ARHGEF18: variants seen among roughly 807,000 people sequenced by gnomAD.
The protein encoded by ARHGEF18 is Rho/Rac guanine nucleotide exchange factor 18.
A neutral mutation model predicts 155.7 loss-of-function variants in ARHGEF18; 93 were observed. That is an observed-to-expected ratio of 0.60 (90% CI 0.50 to 0.71). The LOEUF (loss-of-function observed/expected upper bound fraction) is 0.71. Ranked by LOEUF, ARHGEF18 falls within the 30% of genes least tolerant of loss-of-function variation. ARHGEF18 has a pLI of 0.00. For synonymous variants in ARHGEF18, 742 were observed against 753.1 expected (o/e 0.99, Z 0.24); for missense variants, 1,593 against 1,816.1 (o/e 0.88, Z 2.23).
In ARHGEF18 at chr19:7,404,263, T is replaced by G. The variant is rs1972175294; in HGVS notation, c.967+21060T>G. ...AGTTGACCTGACCTTGTGTGTTCAT[T>G]GTTGATCCCTTCCCTGTCCTGGCTC... On this transcript the variant is annotated intron_variant, in intron 10 of 28. Transcript: ENST00000668164. 2.6e-5 allele frequency among the ~76,000 whole-genome samples: 4 copies of G among 152,066 alleles called. No individual in the cohort carries two copies. The South Asian group carries it at 8.3e-4, about 32-fold the overall frequency.
chr19:7,402,652 G>T (rs965931239), intron 10 of ARHGEF18, among the ~76,000 whole-genome samples: 1 of 152,156 alleles, frequency 6.6e-6, no homozygotes, highest in African/African-American at 2.4e-5. Context: ...CAGGAAGACT[G>T]GGGGGTAAAG....
rs571123338 is a variant in ARHGEF18 at position 7,368,973 on chromosome 19, G to T, written c.16-3839G>T. Among the ~76,000 whole-genome samples the T allele has an allele frequency of 8.5e-5, 13 of 152,292 alleles. No homozygotes were observed. In the South Asian group the frequency reaches 1.2e-3, roughly 15 times the overall value. ...AGAAGGGAGGGAAATGAGGACGGTGGCCACAAAGGAGAGATTCAAGAAGGC... is the reference window on the plus strand; with the variant it reads ...AGAAGGGAGGGAAATGAGGACGGTGTCCACAAAGGAGAGATTCAAGAAGGC... On this transcript the variant is annotated intron_variant, in intron 2 of 28. Coordinates refer to ENST00000668164, the MANE Select transcript of ARHGEF18 (RefSeq NM_001367823.1).
At chr19:7,460,034 T>A in intron 20 of ARHGEF18, 40 bp downstream of exon 20, 1 of 1,542,970 alleles carries the variant, frequency 6.5e-7, no homozygotes, top group Non-Finnish European at 8.8e-7. Context: ...CCTTGTGTGG[T>A]GAGCCCTGGG....
intron 10 of ARHGEF18, among the ~76,000 whole-genome samples, chr19:7,392,168 G>T (rs1971438016): frequency 6.7e-6 from 1 of 149,910 alleles, no homozygotes; most frequent in Non-Finnish European, 1.5e-5. Context: ...TTCAATCTGG[G>T]AGGTGGAGTT....
chr19:7,443,656 C>A (rs1018720075), intron 13 of ARHGEF18, among the ~76,000 whole-genome samples: 2 of 152,178 alleles, frequency 1.3e-5, no homozygotes, highest in African/African-American at 4.8e-5. Flanking sequence ...TTGTTCATTG[C>A]AGTCTAGGTC....
At chr19:7,479,150 G>C in the ARHGEF18 span, among the ~76,000 whole-genome samples, 1 of 152,190 alleles carries the variant, frequency 6.6e-6, no homozygotes, top group Non-Finnish European at 1.5e-5. Context: ...TGGGGGGCTA[G>C]GGAAAAACAC....
downstream of ARHGEF18, chr19:7,477,401 G>C (rs747422959): frequency 6.6e-7 from 1 of 1,509,966 alleles, no homozygotes; most frequent in African/African-American, 1.4e-5. Context: ...CTGCATCTGC[G>C]CCTCCATGGC....
At chr19:7,377,255 G>C (rs1970504874) in intron 5 of ARHGEF18, among the ~76,000 whole-genome samples, 1 of 152,006 alleles carries the variant, frequency 6.6e-6, no homozygotes, top group African/African-American at 2.4e-5. Context: ...ATTTTTAGTA[G>C]ACACAGGGTT....
At chr19:7,413,294 C>CTTTTTTTTTTTTTTT (rs71179106) in intron 10 of ARHGEF18, among the ~76,000 whole-genome samples, 1 of 138,290 alleles carries the variant, frequency 7.2e-6, no homozygotes. Context: ...AAACAAAAAG[C>CTTTTTTTTTTTTTTT]TTTTTTTTTT....
chr19:7,376,962 G>A (rs1430270968), intron 5 of ARHGEF18, among the ~76,000 whole-genome samples: 2 of 152,162 alleles, frequency 1.3e-5, no homozygotes, highest in African/African-American at 2.4e-5. Flanking sequence ...AGCCAGAGAG[G>A]GGAAGGGACC....
chr19:7,377,700 A>T (rs182663832), intron 5 of ARHGEF18, among the ~76,000 whole-genome samples: 1 of 151,184 alleles, frequency 6.6e-6, no homozygotes, highest in East Asian at 2.0e-4. Flanking sequence ...AGATGGGAGG[A>T]TCACTTAAAC....
chr19:7,355,777 C>G (rs1373487204), intron 1 of ARHGEF18: 2 of 942,562 alleles, frequency 2.1e-6, no homozygotes, highest in South Asian at 4.9e-5. Flanking sequence ...CCGCCATCCC[C>G]CTTCGAGCTT....
intron 6 of ARHGEF18, 99 bp downstream of exon 6, chr19:7,378,550 A>C: frequency 1.0e-6 from 1 of 979,490 alleles, no homozygotes; most frequent in Non-Finnish European, 1.3e-6. Flanking sequence ...GTTGCTGGCC[A>C]TAAGTGACCA....
At chr19:7,391,499 C>T (rs945164970) in intron 10 of ARHGEF18, among the ~76,000 whole-genome samples, 2 of 152,100 alleles carry the variant, frequency 1.3e-5, no homozygotes, top group East Asian at 1.9e-4. Flanking sequence ...TCAGGTTCTC[C>T]GGACTCCACG....
chr19:7,478,571 C>T, the ARHGEF18 span, among the ~76,000 whole-genome samples: 1 of 152,238 alleles, frequency 6.6e-6, no homozygotes, highest in African/African-American at 2.4e-5. Context: ...AACACGGCCC[C>T]GTCCCACCCG....
chr19:7,469,559 G>C (rs1174972546), intron 27 of ARHGEF18, among the ~76,000 whole-genome samples: 1 of 152,226 alleles, frequency 6.6e-6, no homozygotes, highest in Non-Finnish European at 1.5e-5. Flanking sequence ...ATGTCCAGGA[G>C]CTCCTCTGGG....
At chr19:7,431,626 AC>A (rs1485954117) in intron 10 of ARHGEF18, among the ~76,000 whole-genome samples, 1 of 149,600 alleles carries the variant, frequency 6.7e-6, no homozygotes, top group African/African-American at 2.5e-5. Flanking sequence ...GACCAGCCTG[AC>A]CAACATGGCG....
Position 7,468,807 on chromosome 19 carries a change from C to G in ARHGEF18, c.3481-18C>G, listed in dbSNP as rs1976826205. 1 of 1,524,238 alleles carries G rather than the reference C, an allele frequency of 6.6e-7. No homozygotes were observed. The highest frequency in any genetic ancestry group is 1.4e-5 in the African/African-American group (1 of 72,770). The allele number at this position is 1,524,238 out of a possible 1,614,324, so 94.4% of individuals were successfully genotyped here. The stretch of plus-strand genomic sequence containing the variant: ...AGCAGGAACCTCACATTGGATGTAT[C>G]TGCTGTTGTCCCCTCAGGCCCAGCC... On this transcript the variant is annotated intron_variant, in intron 26 of 28. Transcript: ENST00000668164.
At chr19:7,354,431 G>A (rs1969233129) in intron 1 of ARHGEF18, among the ~76,000 whole-genome samples, 2 of 152,122 alleles carry the variant, frequency 1.3e-5, no homozygotes, top group South Asian at 4.1e-4. Context: ...GGAGACTGAA[G>A]GAGGGAGTCA....
Sources: gnomAD v4.1 joint callset for allele counts (sites outside exome capture counted in the v4.1 genomes callset) on GRCh38, gnomAD v4.1.1 for gene constraint, MANE v1.5 for transcripts, NCBI Gene and HGNC (gene_info 2026-07-23, HGNC 2026-07-21) for gene names.